MORN4: variants seen among roughly 807,000 people sequenced by gnomAD.
MORN4 encodes MORN repeat-containing protein 4.
Under a neutral mutation model 16.4 loss-of-function variants are expected in MORN4, and 8 were observed. That is an observed-to-expected ratio of 0.49 (90% CI 0.29 to 0.88). The LOEUF is 0.88. Ranked by LOEUF, MORN4 falls within the 40% of genes least tolerant of loss-of-function variation. The pLI, the probability that MORN4 is intolerant of heterozygous loss-of-function variation, is 0.09. For missense variants in MORN4, 159 were observed against 182.9 expected (o/e 0.87, Z 0.75); for synonymous variants, 53 against 68.9 (o/e 0.77, Z 1.14).
At chr10:97,631,819 CAG>C (rs1208471467) in intron 1 of MORN4, among the ~76,000 whole-genome samples, 3 of 152,096 alleles carry the variant, frequency 2.0e-5, no homozygotes, top group Non-Finnish European at 4.4e-5. Flanking sequence ...CCTGTAGTCC[CAG>C]CTACTCAGGA....
In MORN4 at chr10:97,633,377, G is replaced by T. The variant is rs2041414179; in HGVS notation, c.-61C>A. ...GCCGGCCTTTCGGGATGACCGTCAC[G>T]CCTGGACGCAGGGTTCCAGCGCCTC... On this transcript the variant is annotated 5_prime_UTR_variant, in exon 1 of 5. Transcript: ENST00000307450. This position sits in a 1 kb window ranked among gnomAD's most constrained non-coding sequence, Gnocchi z 4.5. 8 of 1,289,856 alleles carry T rather than the reference G, an allele frequency of 6.2e-6. No individual in the cohort carries two copies. The highest frequency in any genetic ancestry group is 8.1e-6 in the Non-Finnish European group (8 of 988,902). The allele number at this position is 1,289,856 out of a possible 1,614,324, so 79.9% of individuals were successfully genotyped here.
chr10:97,617,125 T>A, intron 3 of MORN4, 83 bp downstream of exon 3: 1 of 1,041,062 alleles, frequency 9.6e-7, no homozygotes, highest in South Asian at 1.3e-5. Flanking sequence ...AAGGTCAGGA[T>A]TGACCAGATA....
intron 1 of MORN4, among the ~76,000 whole-genome samples, chr10:97,628,675 A>G (rs1378488575): frequency 6.6e-6 from 1 of 152,076 alleles, no homozygotes; most frequent in Non-Finnish European, 1.5e-5. Flanking sequence ...CTGGGATTAC[A>G]GGCGTGCCAG....
Position 97,633,260 on chromosome 10 carries a change from C to T in MORN4, c.-31+87G>A, listed in dbSNP as rs117516037. On this transcript the variant is annotated intron_variant, in intron 1 of 4. Coordinates refer to ENST00000307450, the MANE Select transcript of MORN4 (RefSeq NM_178832.4). The surrounding 1 kb of genome is among the most constrained non-coding windows in gnomAD (Gnocchi z 4.5). ...TCCGAGGTGGAGCCGCGCCCCCGAG[C>T]CGGGTCATCTCGTGCTCCGTTCCTC... 11,112 of 1,237,876 alleles carry T rather than the reference C, an allele frequency of 9.0e-3. 770 individuals are homozygous for T. In the East Asian group the frequency reaches 0.14, roughly 16 times the overall value. 76.7% of individuals were successfully genotyped at this position (1,237,876 alleles called of 1,614,324 possible).
At chr10:97,626,988 C>A (rs562202777) in intron 1 of MORN4, among the ~76,000 whole-genome samples, 63 of 151,562 alleles carry the variant, frequency 4.2e-4, no homozygotes, top group Non-Finnish European at 8.8e-4. Context: ...AACTCCTGAC[C>A]TCAGGTGATC....
chr10:97,625,640 AAG>A (rs1237364941), intron 1 of MORN4, among the ~76,000 whole-genome samples: 2 of 152,254 alleles, frequency 1.3e-5, no homozygotes. Flanking sequence ...CACTTTGAAA[AAG>A]AAAATCTCAG....
At chr10:97,616,913 G>A (rs1180321725) in intron 3 of MORN4, 126 bp from the exon 4 acceptor site, 3 of 710,100 alleles carry the variant, frequency 4.2e-6, no homozygotes, top group African/African-American at 3.5e-5. Context: ...CAGTCACATA[G>A]CTCCACCTAC....
At position 97,616,710 on chromosome 10, in the gene MORN4, C is replaced by T; in HGVS notation, c.260G>A (p.Gly87Glu). ...ATCTACTCTGCCATTTTTAAATTCC[C>T]CCTCAAAGGTCATGTTGTCATATCG... ...FIRYDNMTFEGEFKNGRVDGF... is the reference protein window; with the variant it reads ...FIRYDNMTFEEEFKNGRVDGF... Residue 87 changes from glycine (G) to glutamate (E), a missense_variant, in exon 4 of 5, where the codon GGG becomes GAG. Coordinates refer to ENST00000307450, the MANE Select transcript of MORN4 (RefSeq NM_178832.4). 6.2e-7 allele frequency: 1 copy of T among 1,614,034 alleles called. No homozygotes were observed. Among genetic ancestry groups the T allele is most frequent in the Non-Finnish European group, 8.5e-7 (1 of 1,179,988 alleles).
chr10:97,620,580 G>A (rs900251417), intron 1 of MORN4, among the ~76,000 whole-genome samples: 1 of 151,144 alleles, frequency 6.6e-6, no homozygotes, highest in East Asian at 1.9e-4. Context: ...GTGAACACGA[G>A]ATGTTCCATG....
At position 97,616,722 on chromosome 10, in the gene MORN4, ATGT is replaced by A; in HGVS notation, c.245_247del (p.Asn82del). On this transcript the variant is annotated inframe_deletion, in exon 4 of 5. Transcript: ENST00000307450. Reference sequence around the variant, plus strand: ...ATTTTTAAATTCCCCCTCAAAGGTCATGTTGTCATATCGAATGAAGACTCCGAC... The same window carrying A: ...ATTTTTAAATTCCCCCTCAAAGGTCATGTCATATCGAATGAAGACTCCGAC... 1.2e-6 allele frequency: 2 copies of A among 1,614,104 alleles called. No individual in the cohort carries two copies. The highest frequency in any genetic ancestry group is 1.7e-6 in the Non-Finnish European group (2 of 1,179,996).
chr10:97,632,917 C>T (rs1382276029), intron 1 of MORN4, among the ~76,000 whole-genome samples: 2 of 152,228 alleles, frequency 1.3e-5, no homozygotes, highest in Non-Finnish European at 1.5e-5. Context: ...ATTCCCCAGG[C>T]TTCCATATGT....
At chr10:97,617,628 G>A (rs951520416) in intron 2 of MORN4, among the ~76,000 whole-genome samples, 1 of 152,150 alleles carries the variant, frequency 6.6e-6, no homozygotes, top group African/African-American at 2.4e-5. Context: ...ATTTTGGGAG[G>A]CTGAGGGTGG....
At chr10:97,632,241 C>G (rs1174477547) in intron 1 of MORN4, among the ~76,000 whole-genome samples, 1 of 94,916 alleles carries the variant, frequency 1.1e-5, no homozygotes, top group Non-Finnish European at 1.9e-5. Flanking sequence ...TTTTTTGAGA[C>G]GGAGTCTTGC....
intron 1 of MORN4, among the ~76,000 whole-genome samples, chr10:97,632,046 C>T (rs1029818862): frequency 3.9e-5 from 6 of 152,056 alleles, no homozygotes; most frequent in Admixed American, 3.3e-4. Context: ...CCACATGTCC[C>T]CCCAGAACCA....
chr10:97,617,315 C>G lies in MORN4; in HGVS notation c.75G>C (p.Arg25Ser). Residue 25 changes from arginine (R) to serine (S), a missense_variant, in exon 3 of 5, where the codon AGG (arginine) becomes AGC (serine). By Grantham distance (110) the Arg-to-Ser change is moderately radical (BLOSUM62 -1). Coordinates refer to ENST00000307450, the MANE Select transcript of MORN4 (RefSeq NM_178832.4). ...EYRGEWKEGR[R>S]HGFGQLMFAD... The stretch of plus-strand genomic sequence containing the variant: ...CAAACATCAGTTGACCAAAACCATG[C>G]CTGCGGCCTGAACAAAGAGAAGGAT... 6.2e-7 allele frequency: 1 copy of G among 1,614,028 alleles called. No homozygotes were observed. The highest frequency in any genetic ancestry group is 8.5e-7 in the Non-Finnish European group (1 of 1,179,916).
chr10:97,622,391 AT>A (rs1488418019), intron 1 of MORN4, among the ~76,000 whole-genome samples: 2 of 152,152 alleles, frequency 1.3e-5, no homozygotes, highest in Non-Finnish European at 2.9e-5. Flanking sequence ...ATTGAAGGAT[AT>A]TCTATAAGAA....
chr10:97,620,883 G>A (rs1465903761), intron 1 of MORN4, among the ~76,000 whole-genome samples: 1 of 152,164 alleles, frequency 6.6e-6, no homozygotes, highest in Non-Finnish European at 1.5e-5. Context: ...AGAACTTTGT[G>A]AGGCCGAGGT....
At position 97,616,241 on chromosome 10, in the gene MORN4, TC is replaced by T; in HGVS notation, c.*21del. On this transcript the variant is annotated 3_prime_UTR_variant, in exon 5 of 5. Transcript: ENST00000307450. The stretch of plus-strand genomic sequence containing the variant: ...GGGCACTGGCTTTACCCAATACTTA[TC>T]AGCTGGTGCCCACTGCGCTGTCAGG... 1 of 1,548,704 alleles carries T rather than the reference TC, an allele frequency of 6.5e-7. No homozygotes were observed. Among genetic ancestry groups the T allele is most frequent in the East Asian group, 2.3e-5 (1 of 44,146 alleles).
chr10:97,631,127 C>T (rs2041392281), intron 1 of MORN4, among the ~76,000 whole-genome samples: 1 of 152,238 alleles, frequency 6.6e-6, no homozygotes, highest in South Asian at 2.1e-4. Context: ...GCTAGGATTA[C>T]AGGTGGGAGC....
Sources: allele counts gnomAD v4.1 joint callset (sites outside exome capture counted in the v4.1 genomes callset), GRCh38; gene constraint gnomAD v4.1.1; non-coding constraint Gnocchi (gnomAD v3.1); transcripts MANE v1.5; gene names NCBI Gene and HGNC (gene_info 2026-07-23, HGNC 2026-07-21).